CAMK2B: variants seen among roughly 807,000 people sequenced by gnomAD.
CAMK2B encodes calcium/calmodulin dependent protein kinase II beta, also known as calcium/calmodulin-dependent protein kinase type II subunit beta.
A neutral mutation model predicts 93.7 loss-of-function variants in CAMK2B; 27 were observed. The ratio of observed to expected loss-of-function variants is 0.29; its 90% CI spans 0.21 to 0.40. CAMK2B has a LOEUF of 0.40. Among genes scored for constraint, CAMK2B ranks in the 10% least tolerant of loss-of-function variants. CAMK2B has a pLI of 1.00. For synonymous variants in CAMK2B, 374 were observed against 358.8 expected (o/e 1.04, Z -0.48); for missense variants, 568 against 895.8 (o/e 0.63, Z 4.67).
chr7:44,226,635 A>G lies in CAMK2B; in HGVS notation c.1478T>C (p.Ile493Thr). Residue 493 changes from isoleucine to threonine, a missense_variant, in exon 20 of 24, where the codon ATC becomes ACC. This residue lies in a region of CAMK2B where 308 missense variants were observed against 292.1 expected (regional missense o/e 1.05). Coordinates refer to ENST00000395749, the MANE Select transcript of CAMK2B (RefSeq NM_001220.5). The part of the protein sequence containing the change: ...LGPLSSPSPR[I>T]SDILNSVRRG... ...CCTCACAGAGTTCAGGATGTCAGAG[A>G]TCCTGGGGGCTGGGGCGGAACAGAC... The G allele has an allele frequency of 6.5e-7, 1 of 1,538,656 alleles. No homozygotes were observed. Among genetic ancestry groups the G allele is most frequent in the Non-Finnish European group, 8.7e-7 (1 of 1,151,154 alleles).
At chr7:44,325,333 G>T in intron 1 of CAMK2B, 24 bp downstream of exon 1, 1 of 1,220,346 alleles carries the variant, frequency 8.2e-7, no homozygotes, top group Non-Finnish European at 1.1e-6. Flanking sequence ...CCCCGGCCCA[G>T]CCCGCGCGCG....
intron 1 of CAMK2B, among the ~76,000 whole-genome samples, chr7:44,289,037 T>C (rs115323950): frequency 1.2e-3 from 181 of 152,244 alleles, no homozygotes; most frequent in African/African-American, 4.2e-3. Flanking sequence ...CCTCCTCGCA[T>C]CCAGTCTATG....
chr7:44,305,711 G>A (rs929043943), intron 1 of CAMK2B, among the ~76,000 whole-genome samples: 7 of 152,224 alleles, frequency 4.6e-5, no homozygotes, highest in Non-Finnish European at 8.8e-5. Context: ...GGAGTTGGCA[G>A]CAGGACCAAG....
chr7:44,256,559 G>A (rs1192401574), intron 4 of CAMK2B, among the ~76,000 whole-genome samples: 1 of 152,246 alleles, frequency 6.6e-6, no homozygotes, highest in Non-Finnish European at 1.5e-5. Context: ...GCATTGGGCA[G>A]GAGGATCAAA....
intron 1 of CAMK2B, among the ~76,000 whole-genome samples, chr7:44,291,060 T>A (rs909619086): frequency 6.6e-6 from 1 of 152,178 alleles, no homozygotes; most frequent in African/African-American, 2.4e-5. Flanking sequence ...GTTGCCACTT[T>A]CCACTTTCTC....
In CAMK2B at chr7:44,271,001, C is replaced by A. The variant is rs2096969431; in HGVS notation, c.161-7937G>T. ...GGGCATGATCTTGGTTCACTGCAAA[C>A]TCCACCTCCCGGGTTCAAGTGATTC... On this transcript the variant is annotated intron_variant, in intron 2 of 23. Coordinates refer to ENST00000395749, the MANE Select transcript of CAMK2B (RefSeq NM_001220.5). The surrounding 1 kb of genome is among the most constrained non-coding windows in gnomAD (Gnocchi z 4.2). 6.6e-6 allele frequency among the ~76,000 whole-genome samples: 1 copy of A among 152,160 alleles called. No individual in the cohort carries two copies. The highest frequency in any genetic ancestry group is 6.5e-5 in the Admixed American group (1 of 15,288).
At chr7:44,240,852 AT>A in intron 11 of CAMK2B, 103 bp from the exon 12 acceptor site, 47 of 1,249,932 alleles carry the variant, frequency 3.8e-5, no homozygotes, top group Non-Finnish European at 5.2e-5. Flanking sequence ...GCTCAGCCTC[AT>A]TGTCATGAGG....
In CAMK2B at chr7:44,227,750, A is replaced by G. The variant is rs868469298; in HGVS notation, c.1468+1046T>C. Among the ~76,000 whole-genome samples, 2 of 4,762 alleles carry G rather than the reference A, an allele frequency of 4.2e-4. 1 individual carries two copies. The highest frequency in any genetic ancestry group is 0.021 in the South Asian group (2 of 94). The allele number at this position is 4,762 out of a possible 152,430, so 3.1% of individuals were successfully genotyped here. A position where few individuals can be genotyped will look rare whatever the true frequency, so the allele number is the denominator to read the frequency against. ...CAGAGGGGTATATGGGGGACAGAGG[A>G]GGGTGTGGGGGACAGAGGGAGAGTC... On this transcript the variant is annotated intron_variant, in intron 19 of 23. Transcript: ENST00000395749.
At chr7:44,305,590 TG>T (rs1791240975) in intron 1 of CAMK2B, among the ~76,000 whole-genome samples, 1 of 152,140 alleles carries the variant, frequency 6.6e-6, no homozygotes. Context: ...AACAGTCTCC[TG>T]GGGAGATGGA....
chr7:44,228,768 G>T, intron 19 of CAMK2B, 28 bp downstream of exon 19: 1 of 1,443,156 alleles, frequency 6.9e-7, no homozygotes, highest in Admixed American at 2.9e-5. Flanking sequence ...CGGCAGCAGA[G>T]GCGGCAGGCC....
intron 20 of CAMK2B, among the ~76,000 whole-genome samples, chr7:44,221,697 G>C (rs1434561372): frequency 6.6e-6 from 1 of 152,122 alleles, no homozygotes; most frequent in Non-Finnish European, 1.5e-5. Flanking sequence ...CTACTCCCGG[G>C]CGCCTGCCTG....
chr7:44,231,888 TCTGGACACTGC>T (rs1331376936), intron 16 of CAMK2B, among the ~76,000 whole-genome samples: 2 of 152,214 alleles, frequency 1.3e-5, no homozygotes, highest in African/African-American at 2.4e-5. Context: ...CGCCCCCTGG[TCTGGACACTGC>T]CTGGACACTG....
At chr7:44,272,071 G>A (rs960207394) in intron 2 of CAMK2B, among the ~76,000 whole-genome samples, 1 of 152,106 alleles carries the variant, frequency 6.6e-6, no homozygotes, top group African/African-American at 2.4e-5. Flanking sequence ...GGAGCCTCGG[G>A]AGCAGCCCCC....
intron 4 of CAMK2B, among the ~76,000 whole-genome samples, chr7:44,258,031 C>T (rs1032251227): frequency 1.3e-5 from 2 of 152,260 alleles, no homozygotes; most frequent in Admixed American, 1.3e-4. Flanking sequence ...GGCCCTTGCC[C>T]AGGTCAGGGT....
intron 1 of CAMK2B, among the ~76,000 whole-genome samples, 199 bp from the exon 2 acceptor site, chr7:44,284,424 CCAG>C (rs1382977485): frequency 6.6e-6 from 1 of 152,262 alleles, no homozygotes; most frequent in Non-Finnish European, 1.5e-5. Context: ...CCACTCAACA[CCAG>C]CAGAACAGAG....
At chr7:44,220,482 A>G in intron 22 of CAMK2B, 134 bp downstream of exon 22, 2 of 874,386 alleles carry the variant, frequency 2.3e-6, no homozygotes, top group Non-Finnish European at 3.5e-6. Context: ...CTGGCGGGGG[A>G]GAGGTGGCTG....
At chr7:44,280,516 A>G (rs2097093972) in intron 2 of CAMK2B, among the ~76,000 whole-genome samples, 1 of 152,190 alleles carries the variant, frequency 6.6e-6, no homozygotes, top group Non-Finnish European at 1.5e-5. Flanking sequence ...TCACGGACAG[A>G]TGGAAAAGCA....
intron 20 of CAMK2B, 49 bp downstream of exon 20, chr7:44,226,467 C>G (rs574460867): frequency 1.5e-6 from 2 of 1,354,940 alleles, no homozygotes; most frequent in Non-Finnish European, 1.9e-6. Flanking sequence ...TCGCACGCCC[C>G]GAGCCCCTCC....
intron 20 of CAMK2B, among the ~76,000 whole-genome samples, chr7:44,226,104 CG>C: frequency 6.6e-6 from 1 of 152,234 alleles, no homozygotes; most frequent in African/African-American, 2.4e-5. Context: ...CGTCTCAGGC[CG>C]GGACTGACAC....
Sources: gnomAD v4.1 joint callset for allele counts (sites outside exome capture counted in the v4.1 genomes callset) on GRCh38, gnomAD v4.1.1 for gene constraint, gnomAD v4.1.1 regional missense constraint, Gnocchi (gnomAD v3.1) non-coding constraint, MANE v1.5 for transcripts, NCBI Gene and HGNC (gene_info 2026-07-23, HGNC 2026-07-21) for gene names.